UIMC1: variants seen among roughly 807,000 people sequenced by gnomAD.
The protein encoded by UIMC1 is BRCA1-A complex subunit RAP80.
UIMC1 carries 42 observed loss-of-function variants against 84.9 expected under a neutral mutation model. The observed-to-expected ratio is 0.49, with a 90% confidence interval of 0.39 to 0.64. The LOEUF is 0.64. Ranked by LOEUF, UIMC1 falls within the 30% of genes least tolerant of loss-of-function variation. UIMC1 has a pLI of 0.00. For synonymous variants in UIMC1, 281 were observed against 293.0 expected, an observed-to-expected ratio of 0.96 and a Z score of 0.42; for missense variants, 825 against 847.6, an observed-to-expected ratio of 0.97 and a Z score of 0.33.
At chr5:176,917,347 G>A (rs2962837) in intron 10 of UIMC1, among the ~76,000 whole-genome samples, 14,865 of 152,174 alleles carry the variant, frequency 0.098, 1,511 homozygotes, top group African/African-American at 0.26. Context: ...CAAGGCAGGC[G>A]GATCACTTGG....
intron 3 of UIMC1, among the ~76,000 whole-genome samples, chr5:176,973,952 T>A (rs927100998): frequency 6.6e-6 from 1 of 152,096 alleles, no homozygotes; most frequent in East Asian, 1.9e-4. Context: ...TCCCAGCTAT[T>A]CAGGAGGCTA....
chr5:176,971,435 T>C (rs1473215491), intron 3 of UIMC1, among the ~76,000 whole-genome samples: 1 of 152,158 alleles, frequency 6.6e-6, no homozygotes, highest in Non-Finnish European at 1.5e-5. Context: ...GCTAGAATAT[T>C]TGTCACTGTA....
intron 4 of UIMC1, 27 bp downstream of exon 4, chr5:176,970,715 C>A: frequency 6.2e-7 from 1 of 1,613,856 alleles, no homozygotes; most frequent in Non-Finnish European, 8.5e-7. Flanking sequence ...TCAATCTCCA[C>A]AAACTTTTGC....
At chr5:176,923,928 GACACAC>G (rs1201401497) in intron 10 of UIMC1, among the ~76,000 whole-genome samples, 1 of 134,378 alleles carries the variant, frequency 7.4e-6, no homozygotes, top group African/African-American at 3.0e-5. Flanking sequence ...CACACACACA[GACACAC>G]ACACATTATC....
chr5:176,935,811 C>T (rs1489601666), intron 10 of UIMC1, among the ~76,000 whole-genome samples: 1 of 152,108 alleles, frequency 6.6e-6, no homozygotes, highest in Non-Finnish European at 1.5e-5. Context: ...AGGCCTTGGT[C>T]CTTCTCTGTT....
intron 1 of UIMC1, among the ~76,000 whole-genome samples, chr5:176,997,558 C>A (rs1429951344): frequency 6.6e-6 from 1 of 151,776 alleles, no homozygotes; most frequent in African/African-American, 2.4e-5. Flanking sequence ...GGTGGCGGGC[C>A]CCTGTAGTCC....
chr5:177,007,340 C>CAA (rs56871601), upstream of UIMC1, among the ~76,000 whole-genome samples: 7,521 of 57,568 alleles, frequency 0.13, 718 homozygotes, highest in African/African-American at 0.27. Flanking sequence ...GACTCCGTCT[C>CAA]AAAAAAAAAA....
Position 176,970,848 on chromosome 5 carries a change from T to A in UIMC1, c.251A>T (p.Gln84Leu). 1 of 1,614,014 alleles carries A rather than the reference T, an allele frequency of 6.2e-7. No individual in the cohort carries two copies. The highest frequency in any genetic ancestry group is 8.5e-7 in the Non-Finnish European group (1 of 1,180,022). ...RKIAQMTEEEQFALALKMSEQ... is the reference protein window; with the variant it reads ...RKIAQMTEEELFALALKMSEQ... Reference sequence around the variant, plus strand: ...ACTCATTTTGAGAGCCAGAGCAAACTGTTCTTCTTCTGTCATCTCTGTAAG... The same window carrying A: ...ACTCATTTTGAGAGCCAGAGCAAACAGTTCTTCTTCTGTCATCTCTGTAAG... Residue 84 changes from glutamine to leucine, a missense_variant, in exon 4 of 15, where the codon CAG (glutamine) becomes CTG (leucine). Physicochemically the swap from Gln to Leu is moderately radical, Grantham distance 113. Coordinates refer to ENST00000511320, the MANE Select transcript of UIMC1 (RefSeq NM_001199298.2).
At chr5:176,935,502 C>G (rs923018839) in intron 10 of UIMC1, among the ~76,000 whole-genome samples, 1 of 152,046 alleles carries the variant, frequency 6.6e-6, no homozygotes, top group African/African-American at 2.4e-5. Flanking sequence ...TGTATATATC[C>G]CCACAGGTCA....
intron 1 of UIMC1, among the ~76,000 whole-genome samples, chr5:176,991,449 G>A (rs1004289977): frequency 2.0e-5 from 3 of 151,928 alleles, no homozygotes; most frequent in Non-Finnish European, 4.4e-5. Flanking sequence ...GGCAAATTGA[G>A]AAGACAGATC....
chr5:177,004,237 GT>G (rs1356360273), intron 1 of UIMC1, among the ~76,000 whole-genome samples: 1 of 152,128 alleles, frequency 6.6e-6, no homozygotes, highest in Non-Finnish European at 1.5e-5. Flanking sequence ...CTCAAGGTGG[GT>G]TTTCAAAGAA....
chr5:176,906,236 C>T (rs768250469), intron 13 of UIMC1, 189 bp from the exon 14 acceptor site: 241 of 563,120 alleles, frequency 4.3e-4, no homozygotes, highest in Non-Finnish European at 6.7e-4. Context: ...TGCAGGGGCA[C>T]TCAGATGAAC....
intron 10 of UIMC1, among the ~76,000 whole-genome samples, chr5:176,942,745 TAA>T (rs1044619072): frequency 9.9e-4 from 75 of 76,100 alleles, no homozygotes; most frequent in African/African-American, 3.4e-3. Flanking sequence ...GACTCCGTCT[TAA>T]AAAAAAAAAA....
intron 1 of UIMC1, chr5:177,006,173 C>G (rs937686726): frequency 5.3e-5 from 8 of 152,254 alleles, no homozygotes; most frequent in Admixed American, 5.2e-4. Context: ...GCAGGCCGCC[C>G]CCCAGGTGTG....
At chr5:176,912,947 CG>C (rs1760453048) in intron 10 of UIMC1, among the ~76,000 whole-genome samples, 1 of 152,202 alleles carries the variant, frequency 6.6e-6, no homozygotes, top group Non-Finnish European at 1.5e-5. Context: ...GGATTACAGG[CG>C]TGAGCCACTG....
chr5:176,936,610 C>A (rs926931565), intron 10 of UIMC1, among the ~76,000 whole-genome samples: 19 of 152,208 alleles, frequency 1.2e-4, no homozygotes, highest in South Asian at 2.1e-4. Context: ...GCACTCCTCC[C>A]CGTTACCTCT....
intron 6 of UIMC1, among the ~76,000 whole-genome samples, chr5:176,967,923 T>G (rs1394545914): frequency 1.3e-5 from 2 of 150,750 alleles, no homozygotes; most frequent in South Asian, 2.1e-4. Flanking sequence ...AAAAAAAAAT[T>G]TATACAAAAA....
chr5:177,008,528 G>T (rs1323094497), upstream of UIMC1, among the ~76,000 whole-genome samples: 1 of 152,170 alleles, frequency 6.6e-6, no homozygotes, highest in Non-Finnish European at 1.5e-5. Flanking sequence ...ATTGAGGAGT[G>T]GGGAGATCAG....
intron 12 of UIMC1, chr5:176,907,427 G>T: frequency 2.6e-6 from 1 of 377,846 alleles, no homozygotes; most frequent in Non-Finnish European, 4.9e-6. Flanking sequence ...AGTGTCTACA[G>T]GCAGTGATCC....
Sources: gnomAD v4.1 joint callset for allele counts (sites outside exome capture counted in the v4.1 genomes callset) on GRCh38, gnomAD v4.1.1 for gene constraint, MANE v1.5 for transcripts, NCBI Gene and HGNC (gene_info 2026-07-23, HGNC 2026-07-21) for gene names.